The following ADGRL3 variants were observed in gnomAD, a reference collection of about 807,000 sequenced individuals.
ADGRL3 encodes calcium-independent alpha-latrotoxin receptor 3.
ADGRL3 carries 62 observed loss-of-function variants against 153.5 expected under a neutral mutation model. The ratio of observed to expected loss-of-function variants is 0.40; its 90% CI spans 0.33 to 0.50. ADGRL3 has a LOEUF of 0.50. ADGRL3 is among the 20% of genes least tolerant of loss of function. ADGRL3 has a pLI of 0.47. For synonymous variants in ADGRL3, 710 were observed against 672.5 expected (o/e 1.06, Z -0.86); for missense variants, 1,641 against 1,859.4 (o/e 0.88, Z 2.16).
intron 1 of ADGRL3, among the ~76,000 whole-genome samples, chr4:61,336,500 G>A (rs1578322188): frequency 8.3e-6 from 1 of 119,892 alleles, no homozygotes; most frequent in Non-Finnish European, 2.0e-5. Flanking sequence ...CGGTCTATCT[G>A]TTTGGGCTTT....
At chr4:61,520,244 C>A (rs1277112651) in intron 4 of ADGRL3, among the ~76,000 whole-genome samples, 1 of 152,020 alleles carries the variant, frequency 6.6e-6, no homozygotes, top group East Asian at 1.9e-4. Flanking sequence ...GACTAGATAT[C>A]AAGGCTTTCC....
chr4:62,004,760 A>G (rs766793467), intron 21 of ADGRL3, among the ~76,000 whole-genome samples: 28 of 152,098 alleles, frequency 1.8e-4, no homozygotes, highest in Non-Finnish European at 3.2e-4. Context: ...ATGCCCATGT[A>G]TATACTGTGA....
chr4:61,884,177 C>T (rs1183140401), intron 9 of ADGRL3, among the ~76,000 whole-genome samples: 1 of 152,154 alleles, frequency 6.6e-6, no homozygotes, highest in African/African-American at 2.4e-5. Context: ...AGGCATATAA[C>T]ATATGCCATA....
intron 2 of ADGRL3, among the ~76,000 whole-genome samples, chr4:61,475,301 G>A (rs1299991865): frequency 6.6e-6 from 1 of 152,150 alleles, no homozygotes; most frequent in African/African-American, 2.4e-5. Context: ...GATAGTATTA[G>A]CTGGGATACA....
chr4:61,556,306 A>G (rs1287235243), intron 4 of ADGRL3, among the ~76,000 whole-genome samples: 2 of 152,160 alleles, frequency 1.3e-5, no homozygotes, highest in Non-Finnish European at 2.9e-5. Context: ...GAGCAATGGC[A>G]TATCTAGGGA....
intron 1 of ADGRL3, among the ~76,000 whole-genome samples, chr4:61,203,329 C>G (rs1735698526): frequency 6.6e-6 from 1 of 152,180 alleles, no homozygotes; most frequent in South Asian, 2.1e-4. Context: ...TCCCTGCCTG[C>G]GGTAGTTAGA....
intron 1 of ADGRL3, among the ~76,000 whole-genome samples, chr4:61,354,807 G>C (rs1386033259): frequency 6.6e-6 from 1 of 152,058 alleles, no homozygotes; most frequent in African/African-American, 2.4e-5. Context: ...ACCTTGCCAA[G>C]TCTCTTTAAA....
intron 4 of ADGRL3, chr4:61,583,674 C>CT: frequency 1.9e-6 from 1 of 518,464 alleles, no homozygotes; most frequent in Non-Finnish European, 3.9e-6. Flanking sequence ...GTTCATGTCC[C>CT]TTCAGTCAGT....
Position 62,019,548 on chromosome 4 carries a change from A to G in ADGRL3, c.3396-9307A>G, listed in dbSNP as rs557413295. ...GTTTAAATGTTCTATAATATTTCTT[A>G]ATGTTTTTCTCATTGACTTTTTTAA... is the stretch of plus-strand genomic sequence containing the variant. On this transcript the variant is annotated intron_variant, in intron 21 of 26. Transcript: ENST00000683033. Among the ~76,000 whole-genome samples the G allele has an allele frequency of 9.0e-4, 137 of 152,180 alleles. 1 individual carries two copies. The highest frequency in any genetic ancestry group is 3.4e-3 in the Middle Eastern group (1 of 294).
chr4:61,456,373 ATC>A (rs1232818373), intron 2 of ADGRL3, among the ~76,000 whole-genome samples: 3 of 136,014 alleles, frequency 2.2e-5, no homozygotes, highest in Non-Finnish European at 3.1e-5. Flanking sequence ...ATATAGATAT[ATC>A]TATATATATA....
intron 5 of ADGRL3, among the ~76,000 whole-genome samples, chr4:61,628,498 GC>G (rs137971351): frequency 0.55 from 84,234 of 152,048 alleles, 26,689 homozygotes; most frequent in Non-Finnish European, 0.74. Context: ...CCATCACTGA[GC>G]TCATTCAGCA....
intron 9 of ADGRL3, among the ~76,000 whole-genome samples, chr4:61,867,515 CATATATATATATAT>C (rs3065826): frequency 6.2e-5 from 5 of 81,162 alleles, no homozygotes; most frequent in South Asian, 8.4e-4. Context: ...AATATATATG[CATATATATATATAT>C]ATATATATAT....
At chr4:61,726,210 G>GTTTTTTTTTTTTTTTTTGTTTTTTT (rs149472429) in intron 6 of ADGRL3, among the ~76,000 whole-genome samples, 1 of 118,480 alleles carries the variant, frequency 8.4e-6, no homozygotes, top group Admixed American at 1.0e-4. Flanking sequence ...TTTTTTTTTT[G>GTTTTTTTTTTTTTTTTTGTTTTTTT]TTTTTTGAGA....
chr4:61,886,548 A>C (rs2098539947), intron 9 of ADGRL3, among the ~76,000 whole-genome samples: 1 of 152,224 alleles, frequency 6.6e-6, no homozygotes. Context: ...GAAAATATGA[A>C]GGAGAATAAA....
Position 61,587,244 on chromosome 4 carries a change from A to G in ADGRL3, c.277A>G (p.Ile93Val), listed in dbSNP as rs765379746. 3 of 1,607,250 alleles carry G rather than the reference A, an allele frequency of 1.9e-6. No homozygotes were observed. Among genetic ancestry groups the G allele is most frequent in the African/African-American group, 1.3e-5 (1 of 74,770 alleles). ...IAAQAFSRAP[I>V]PMAVVRRELS... ...TTTGGCAGCTTTCAGCCGTGCCCCA[A>G]TTCCAATGGCTGTGGTCCGCAGAGA... Residue 93 changes from isoleucine to valine, a missense_variant, in exon 5 of 27, where the codon ATT becomes GTT. This residue lies in a region of ADGRL3 where 145 missense variants were observed against 79.1 expected (regional missense o/e 1.83). Transcript: ENST00000683033.
intron 3 of ADGRL3, among the ~76,000 whole-genome samples, chr4:61,508,214 G>A (rs2098442484): frequency 6.6e-6 from 1 of 152,096 alleles, no homozygotes; most frequent in Admixed American, 6.5e-5. Flanking sequence ...TTACATCACA[G>A]TATTACAATT....
intron 19 of ADGRL3, among the ~76,000 whole-genome samples, chr4:61,985,595 G>A (rs866119345): frequency 2.0e-4 from 31 of 152,092 alleles, no homozygotes; most frequent in African/African-American, 7.0e-4. Flanking sequence ...GAACATGTTG[G>A]CAATAAAAGA....
chr4:61,358,356 G>C (rs2096217634), intron 1 of ADGRL3, among the ~76,000 whole-genome samples: 1 of 152,040 alleles, frequency 6.6e-6, no homozygotes. Context: ...CCAGCACTTT[G>C]GGAGGCCAAG....
At chr4:61,988,312 C>T (rs1181028529) in intron 19 of ADGRL3, among the ~76,000 whole-genome samples, 1 of 151,942 alleles carries the variant, frequency 6.6e-6, no homozygotes, top group Non-Finnish European at 1.5e-5. Context: ...TTTAAAAAAT[C>T]CATTTTAAAA....
Sources: allele counts gnomAD v4.1 joint callset (sites outside exome capture counted in the v4.1 genomes callset), GRCh38; gene constraint gnomAD v4.1.1; regional missense constraint gnomAD v4.1.1; transcripts MANE v1.5; gene names NCBI Gene and HGNC (gene_info 2026-07-23, HGNC 2026-07-21).